The following NTRK2 variants were observed in gnomAD, a reference collection of about 807,000 sequenced individuals.
The protein encoded by NTRK2 is BDNF/NT-3 growth factors receptor.
NTRK2 carries 13 observed loss-of-function variants against 94.5 expected under a neutral mutation model. The ratio of observed to expected loss-of-function variants is 0.14; its 90% CI spans 0.09 to 0.22. The LOEUF (loss-of-function observed/expected upper bound fraction) is 0.22, where lower values mean the gene tolerates loss of function less well. NTRK2 is among the 10% of genes least tolerant of loss of function. The pLI, the probability that NTRK2 is intolerant of heterozygous loss-of-function variation, is 1.00. For synonymous variants in NTRK2, 372 were observed against 407.4 expected, an observed-to-expected ratio of 0.91 and a Z score of 1.05; for missense variants, 639 against 1,071.2, an observed-to-expected ratio of 0.60 and a Z score of 5.63.
At chr9:84,993,544 A>G (rs1047866550) in intron 17 of NTRK2, among the ~76,000 whole-genome samples, 17 of 152,214 alleles carry the variant, frequency 1.1e-4, no homozygotes, top group Non-Finnish European at 2.2e-4. Flanking sequence ...CACTGCTCCC[A>G]CTGCAATCCC....
chr9:84,718,781 G>A (rs1398560144), intron 6 of NTRK2, among the ~76,000 whole-genome samples: 1 of 152,176 alleles, frequency 6.6e-6, no homozygotes, highest in African/African-American at 2.4e-5. Context: ...TCCTGCCTTG[G>A]CTATTCATGC....
At chr9:84,786,815 G>A (rs868380506) in intron 12 of NTRK2, among the ~76,000 whole-genome samples, 43 of 152,084 alleles carry the variant, frequency 2.8e-4, no homozygotes, top group African/African-American at 9.9e-4. Flanking sequence ...GAGTGAAGGT[G>A]GCAGCTCTAC....
At chr9:84,931,726 A>AC (rs901605098) in intron 14 of NTRK2, among the ~76,000 whole-genome samples, 3 of 151,584 alleles carry the variant, frequency 2.0e-5, no homozygotes, top group African/African-American at 7.3e-5. Context: ...CAAAAAAAAA[A>AC]AAAACAAAAA....
chr9:84,734,113 G>T (rs924123214), intron 9 of NTRK2, among the ~76,000 whole-genome samples: 1 of 152,118 alleles, frequency 6.6e-6, no homozygotes, highest in Non-Finnish European at 1.5e-5. Context: ...AGTGTGAAGC[G>T]TGACTTTCCT....
chr9:84,681,544 C>T lies in NTRK2; in HGVS notation c.212+10584C>T, dbSNP rs77932214. 3.3e-3 allele frequency among the ~76,000 whole-genome samples: 506 copies of T among 152,224 alleles called. 18 individuals carry two copies. The East Asian group carries it at 0.073, about 22-fold the overall frequency. On this transcript the variant is annotated intron_variant, in intron 2 of 18. Transcript: ENST00000277120. ...AAAAACTGCCCTGGTCTCTTCTTAC[C>T]GGGCTTGCAGTGTGTGGGAGTGGGG...
At chr9:84,786,627 C>T (rs1483150419) in intron 12 of NTRK2, among the ~76,000 whole-genome samples, 1 of 152,050 alleles carries the variant, frequency 6.6e-6, no homozygotes, top group African/African-American at 2.4e-5. Flanking sequence ...AAAACAAAAA[C>T]CCTACGAAAA....
At position 84,861,287 on chromosome 9, in the gene NTRK2, T is replaced by C. The variant is rs1587717999; in HGVS notation, c.1444+200T>C. ...GTTAATTGAGTTTAGTACATGGTTT[T>C]ACATTTTTAGATTTGACTCGTTTTT... On this transcript the variant is annotated intron_variant, in intron 13 of 18. Transcript: ENST00000277120. Among the ~76,000 whole-genome samples, 3 of 152,352 alleles carry C rather than the reference T, an allele frequency of 2.0e-5. No individual in the cohort carries two copies. The East Asian group carries it at 5.8e-4, about 29-fold the overall frequency.
intron 17 of NTRK2, among the ~76,000 whole-genome samples, chr9:84,970,981 T>G (rs754260958): frequency 1.3e-5 from 2 of 152,186 alleles, no homozygotes; most frequent in South Asian, 4.1e-4. Context: ...CATCTCCACT[T>G]TTACTTTTTT....
intron 17 of NTRK2, among the ~76,000 whole-genome samples, chr9:84,972,773 T>G (rs536885000): frequency 3.3e-5 from 5 of 152,328 alleles, no homozygotes; most frequent in African/African-American, 1.2e-4. Flanking sequence ...GGCCTAAAGA[T>G]CCTTATAACT....
At chr9:84,818,490 C>A (rs143931705) in intron 12 of NTRK2, among the ~76,000 whole-genome samples, 37 of 152,298 alleles carry the variant, frequency 2.4e-4, no homozygotes, top group Middle Eastern at 3.4e-3. Flanking sequence ...GTGCCATGAA[C>A]AAATCCTTTT....
intron 11 of NTRK2, among the ~76,000 whole-genome samples, chr9:84,745,839 C>A (rs531006595): frequency 6.6e-6 from 1 of 152,094 alleles, no homozygotes; most frequent in Non-Finnish European, 1.5e-5. Flanking sequence ...GGTTGTAGGT[C>A]TTGACACAGA....
intron 12 of NTRK2, among the ~76,000 whole-genome samples, chr9:84,799,913 A>G (rs2070188914): frequency 6.6e-6 from 1 of 152,204 alleles, no homozygotes; most frequent in Non-Finnish European, 1.5e-5. Flanking sequence ...TAATTAATTT[A>G]TTTTATGTTA....
chr9:84,747,252 A>T (rs2064159243), intron 11 of NTRK2, among the ~76,000 whole-genome samples: 1 of 152,160 alleles, frequency 6.6e-6, no homozygotes, highest in Admixed American at 6.5e-5. Flanking sequence ...TCCGTAGATG[A>T]CTATATGCAT....
intron 11 of NTRK2, among the ~76,000 whole-genome samples, chr9:84,745,573 G>C (rs748970869): frequency 1.3e-5 from 2 of 152,206 alleles, no homozygotes; most frequent in South Asian, 4.1e-4. Flanking sequence ...GCAGAGCAAG[G>C]CAGTACAAGA....
At chr9:84,936,314 T>C (rs1001287649) in intron 15 of NTRK2, among the ~76,000 whole-genome samples, 2 of 152,204 alleles carry the variant, frequency 1.3e-5, no homozygotes, top group African/African-American at 2.4e-5. Flanking sequence ...CACCCTCAGC[T>C]TATGTGTTAT....
intron 11 of NTRK2, among the ~76,000 whole-genome samples, chr9:84,745,539 T>C (rs190438125): frequency 6.2e-4 from 94 of 152,270 alleles, no homozygotes; most frequent in African/African-American, 2.1e-3. Context: ...GAGGTGAATA[T>C]TAGCACCTCA....
chr9:84,842,395 C>T (rs940457180), intron 12 of NTRK2, among the ~76,000 whole-genome samples: 22 of 152,166 alleles, frequency 1.4e-4, no homozygotes, highest in Admixed American at 1.4e-3. Context: ...GTGAGAATCT[C>T]ATTCTGGTTC....
chr9:84,794,643 C>A (rs990285810), intron 12 of NTRK2, among the ~76,000 whole-genome samples: 2 of 152,132 alleles, frequency 1.3e-5, no homozygotes, highest in Non-Finnish European at 2.9e-5. Flanking sequence ...ATGTTAGTTA[C>A]TCTCCCTTTT....
intron 13 of NTRK2, among the ~76,000 whole-genome samples, chr9:84,863,407 A>C (rs1258984559): frequency 6.6e-6 from 1 of 152,230 alleles, no homozygotes; most frequent in Non-Finnish European, 1.5e-5. Flanking sequence ...CCAAGTGTGC[A>C]CCTACCTCGC....
Sources: allele counts gnomAD v4.1 joint callset (sites outside exome capture counted in the v4.1 genomes callset), GRCh38; gene constraint gnomAD v4.1.1; transcripts MANE v1.5; gene names NCBI Gene and HGNC (gene_info 2026-07-23, HGNC 2026-07-21).